Variants in SGCD observed in about 807,000 individuals in gnomAD.
SGCD encodes sarcoglycan delta.
In SGCD, 18 loss-of-function variants were observed where a neutral mutation model predicts 36.6. The ratio of observed to expected loss-of-function variants is 0.49; its 90% CI spans 0.34 to 0.73. The LOEUF (loss-of-function observed/expected upper bound fraction) is 0.73, where lower values mean the gene tolerates loss of function less well. SGCD is among the 30% of genes least tolerant of loss of function. The probability of loss-of-function intolerance (pLI) is 0.01; values close to 1 mark genes in which losing one functional copy is unlikely to be tolerated. For synonymous variants in SGCD, 133 were observed against 130.6 expected (o/e 1.02, Z -0.12); for missense variants, 387 against 346.7 (o/e 1.12, Z -0.92).
chr5:156,221,444 G>A (rs568254155), intron 3 of SGCD, among the ~76,000 whole-genome samples: 3 of 151,848 alleles, frequency 2.0e-5, no homozygotes, highest in Non-Finnish European at 4.4e-5. Context: ...ACTTAGCTTC[G>A]CTATTCCTGA....
At chr5:156,598,541 CA>C (rs1561804802) in intron 6 of SGCD, among the ~76,000 whole-genome samples, 1 of 151,900 alleles carries the variant, frequency 6.6e-6, no homozygotes, top group Admixed American at 6.5e-5. Context: ...GACTCTGTCT[CA>C]AAAAACAAAA....
At chr5:155,964,327 A>G (rs563482199) in intron 1 of SGCD, among the ~76,000 whole-genome samples, 3 of 152,084 alleles carry the variant, frequency 2.0e-5, no homozygotes, top group South Asian at 2.1e-4. Context: ...ATATTGTACT[A>G]TATAATTCTT....
At chr5:156,061,521 G>C (rs186009434) in intron 1 of SGCD, among the ~76,000 whole-genome samples, 1 of 145,992 alleles carries the variant, frequency 6.8e-6, no homozygotes, top group Non-Finnish European at 1.5e-5. Context: ...TAAAGGATGG[G>C]AGGAAAATAT....
intron 1 of SGCD, among the ~76,000 whole-genome samples, chr5:155,911,137 A>C (rs922102236): frequency 2.0e-5 from 3 of 152,082 alleles, no homozygotes; most frequent in Non-Finnish European, 4.4e-5. Flanking sequence ...ATCTGGGATT[A>C]ATAGTGTCTC....
chr5:156,184,984 C>T (rs558155082), intron 3 of SGCD, among the ~76,000 whole-genome samples: 1 of 152,234 alleles, frequency 6.6e-6, no homozygotes, highest in South Asian at 2.1e-4. Context: ...ATGCAATATT[C>T]CTGTGCCCCA....
chr5:156,752,158 ATT>A (rs1757168682), intron 7 of SGCD, among the ~76,000 whole-genome samples: 1 of 152,244 alleles, frequency 6.6e-6, no homozygotes, highest in Non-Finnish European at 1.5e-5. Flanking sequence ...AACAAAAGTC[ATT>A]AAAGAATTAT....
intron 6 of SGCD, among the ~76,000 whole-genome samples, chr5:156,605,496 C>T (rs1426461044): frequency 6.6e-6 from 1 of 152,166 alleles, no homozygotes; most frequent in African/African-American, 2.4e-5. Context: ...GTGAATAGTG[C>T]TGCAATAAAA....
chr5:156,263,409 T>C (rs538885350), intron 3 of SGCD, among the ~76,000 whole-genome samples: 16 of 152,298 alleles, frequency 1.1e-4, no homozygotes, highest in African/African-American at 3.8e-4. Context: ...TTTTGAGAAT[T>C]GTCTATTCAT....
chr5:156,488,974 C>T (rs867537830), intron 3 of SGCD, among the ~76,000 whole-genome samples: 15 of 151,922 alleles, frequency 9.9e-5, no homozygotes, highest in Admixed American at 2.6e-4. Context: ...ATGCTACCTA[C>T]GAGAAACTCA....
At chr5:155,812,897 G>T in the SGCD span, among the ~76,000 whole-genome samples, 2 of 152,222 alleles carry the variant, frequency 1.3e-5, no homozygotes, top group East Asian at 3.9e-4. Context: ...AACAAATCAG[G>T]CATCACTGCA....
intron 1 of SGCD, among the ~76,000 whole-genome samples, chr5:155,929,618 T>A (rs1757062900): frequency 6.6e-6 from 1 of 152,150 alleles, no homozygotes; most frequent in African/African-American, 2.4e-5. Context: ...AAAACATAAA[T>A]CTGGATTCTT....
At chr5:155,973,148 C>A (rs777067691) in intron 1 of SGCD, among the ~76,000 whole-genome samples, 2 of 152,132 alleles carry the variant, frequency 1.3e-5, no homozygotes, top group Non-Finnish European at 1.5e-5. Flanking sequence ...GATGGAAATC[C>A]ACTCTGAGGG....
chr5:155,794,895 C>G, the SGCD span, among the ~76,000 whole-genome samples: 1 of 151,898 alleles, frequency 6.6e-6, no homozygotes, highest in Admixed American at 6.6e-5. Context: ...CTGATGACAA[C>G]CATAAGAAGA....
intron 4 of SGCD, among the ~76,000 whole-genome samples, chr5:156,569,299 A>T (rs1019965079): frequency 6.6e-6 from 1 of 152,098 alleles, no homozygotes; most frequent in Non-Finnish European, 1.5e-5. Context: ...GACAAAAAAA[A>T]ATAGACAATC....
intron 3 of SGCD, among the ~76,000 whole-genome samples, chr5:156,380,345 G>C (rs562992025): frequency 1.3e-5 from 2 of 152,266 alleles, no homozygotes; most frequent in African/African-American, 4.8e-5. Flanking sequence ...TGAATACATA[G>C]TTTGTGTTTT....
In SGCD at chr5:156,761,524, G is replaced by A. The variant is rs930715830; in HGVS notation, c.*2134G>A. On this transcript the variant is annotated 3_prime_UTR_variant, in exon 9 of 9. Transcript: ENST00000337851. ...ATCAATACAGGGTTTTTCCAAGCCAGGAAACGCCCTCCTTGGCTACTAGGA... is the reference window on the plus strand; with the variant it reads ...ATCAATACAGGGTTTTTCCAAGCCAAGAAACGCCCTCCTTGGCTACTAGGA... The A allele has an allele frequency of 3.9e-5, 6 of 152,160 alleles. No homozygotes were observed. Among genetic ancestry groups the A allele is most frequent in the African/African-American group, 1.4e-4 (6 of 41,430 alleles). The allele number at this position is 152,160 out of a possible 1,614,324, so 9.4% of individuals were successfully genotyped here.
At chr5:156,492,093 T>G (rs1755972133) in intron 3 of SGCD, among the ~76,000 whole-genome samples, 1 of 152,178 alleles carries the variant, frequency 6.6e-6, no homozygotes, top group Non-Finnish European at 1.5e-5. Context: ...TTGCATGTCT[T>G]TCAGGAGTGT....
At chr5:156,127,211 T>A (rs532449691) in intron 3 of SGCD, among the ~76,000 whole-genome samples, 1 of 152,282 alleles carries the variant, frequency 6.6e-6, no homozygotes, top group East Asian at 1.9e-4. Context: ...ATAAGCAAAG[T>A]TAATTACTGC....
At chr5:156,325,051 G>T (rs916127389), upstream of SGCD, among the ~76,000 whole-genome samples, 2 of 152,076 alleles carry the variant, frequency 1.3e-5, no homozygotes, top group Non-Finnish European at 2.9e-5. Flanking sequence ...CCAGTTCTCT[G>T]GAATGACACT....
Sources: allele counts gnomAD v4.1 joint callset (sites outside exome capture counted in the v4.1 genomes callset), GRCh38; gene constraint gnomAD v4.1.1; transcripts MANE v1.5; gene names NCBI Gene and HGNC (gene_info 2026-07-23, HGNC 2026-07-21).